Variants in MEOX2 observed in about 807,000 individuals in gnomAD.
MEOX2 encodes the protein homeobox protein MOX-2.
Under a neutral mutation model 27.0 loss-of-function variants are expected in MEOX2, and 11 were observed. The ratio of observed to expected loss-of-function variants is 0.41; its 90% CI spans 0.26 to 0.68. The LOEUF (loss-of-function observed/expected upper bound fraction) is 0.68, where lower values mean the gene tolerates loss of function less well. Among genes scored for constraint, MEOX2 ranks in the 30% least tolerant of loss-of-function variants. The probability of loss-of-function intolerance (pLI) is 0.33; values close to 1 mark genes in which losing one functional copy is unlikely to be tolerated. For missense variants in MEOX2, 436 were observed against 385.4 expected (o/e 1.13, Z -1.10); for synonymous variants, 189 against 155.4 (o/e 1.22, Z -1.61).
intron 1 of MEOX2, among the ~76,000 whole-genome samples, chr7:15,662,331 AT>A (rs1043624049): frequency 1.6e-4 from 24 of 152,040 alleles, no homozygotes; most frequent in African/African-American, 5.8e-4. Context: ...TCAGTTCTCC[AT>A]TTTCTTAAAC....
intron 1 of MEOX2, among the ~76,000 whole-genome samples, chr7:15,659,854 A>G (rs918858661): frequency 1.3e-5 from 2 of 150,704 alleles, no homozygotes; most frequent in African/African-American, 4.9e-5. Context: ...TTCCACAATT[A>G]TTCAAATATT....
chr7:15,656,029 T>G (rs1472084863), intron 1 of MEOX2, among the ~76,000 whole-genome samples: 1 of 151,852 alleles, frequency 6.6e-6, no homozygotes, highest in East Asian at 1.9e-4. Context: ...TTTGAAGCTC[T>G]GCTTTTGGTG....
At chr7:15,672,892 G>GA (rs199943563) in intron 1 of MEOX2, among the ~76,000 whole-genome samples, 2,809 of 134,280 alleles carry the variant, frequency 0.021, 98 homozygotes, top group African/African-American at 0.074. Flanking sequence ...ATTCTGTCTT[G>GA]AAAAAAAAAA....
chr7:15,644,567 T>A (rs1781614445), intron 1 of MEOX2, among the ~76,000 whole-genome samples: 1 of 152,160 alleles, frequency 6.6e-6, no homozygotes, highest in Admixed American at 6.5e-5. Flanking sequence ...CAGCACAGCC[T>A]TTCCTGAGAT....
At chr7:15,681,443 A>C (rs575314766) in intron 1 of MEOX2, 2 of 151,638 alleles carry the variant, frequency 1.3e-5, no homozygotes, top group Admixed American at 1.3e-4. Flanking sequence ...TAATTCAGCT[A>C]TTAATTCATC....
chr7:15,626,626 T>A, intron 2 of MEOX2, 120 bp downstream of exon 2: 1 of 653,402 alleles, frequency 1.5e-6, no homozygotes, highest in East Asian at 2.6e-5. Flanking sequence ...CATGGAATAG[T>A]ATAACTGTCT....
chr7:15,640,525 C>T (rs926495622), intron 1 of MEOX2, among the ~76,000 whole-genome samples: 6 of 151,932 alleles, frequency 3.9e-5, no homozygotes, highest in Non-Finnish European at 7.4e-5. Context: ...TTGTTTCTTT[C>T]GCTTGCCCTG....
In MEOX2 at chr7:15,618,644, A is replaced by G. The variant is rs1033726971; in HGVS notation, c.691-6033T>C. Among the ~76,000 whole-genome samples the G allele has an allele frequency of 3.3e-5, 5 of 151,968 alleles. No individual in the cohort carries two copies. In the East Asian group the frequency reaches 9.6e-4, roughly 29 times the overall value. On this transcript the variant is annotated intron_variant, in intron 2 of 2. Coordinates refer to ENST00000262041, the MANE Select transcript of MEOX2 (RefSeq NM_005924.5). The stretch of plus-strand genomic sequence containing the variant: ...TATATAAGAAGAGTAGAATACTGAA[A>G]TATTACTATGATTCAATCTAAATTT...
intron 2 of MEOX2, among the ~76,000 whole-genome samples, chr7:15,614,836 G>A (rs542859412): frequency 6.6e-6 from 1 of 152,160 alleles, no homozygotes; most frequent in East Asian, 1.9e-4. Flanking sequence ...AGACAGTGAA[G>A]AAAAATATAT....
intron 1 of MEOX2, among the ~76,000 whole-genome samples, chr7:15,635,588 G>A (rs540695802): frequency 5.3e-5 from 8 of 151,966 alleles, no homozygotes; most frequent in Non-Finnish European, 7.4e-5. Flanking sequence ...AACTCTAGCC[G>A]TTATTAGGAG....
chr7:15,633,906 A>G (rs1312311154), intron 1 of MEOX2, among the ~76,000 whole-genome samples: 2 of 151,992 alleles, frequency 1.3e-5, no homozygotes, highest in East Asian at 3.9e-4. Context: ...TACAAAGATA[A>G]CCCTAAGGAG....
chr7:15,621,392 T>A (rs1008011418), intron 2 of MEOX2, among the ~76,000 whole-genome samples: 3 of 152,208 alleles, frequency 2.0e-5, no homozygotes, highest in African/African-American at 7.2e-5. Context: ...CTTTGCAGAA[T>A]GAGCCTCTTT....
intron 1 of MEOX2, among the ~76,000 whole-genome samples, chr7:15,660,452 C>A (rs190592527): frequency 2.0e-5 from 3 of 150,802 alleles, no homozygotes; most frequent in African/African-American, 2.4e-5. Context: ...AGCTTTGGCA[C>A]TATGGACCTT....
intron 1 of MEOX2, among the ~76,000 whole-genome samples, chr7:15,673,778 C>G (rs934856678): frequency 6.6e-6 from 1 of 152,036 alleles, no homozygotes; most frequent in African/African-American, 2.4e-5. Flanking sequence ...TAACATGTCA[C>G]TGGGGATTCT....
chr7:15,657,802 T>C (rs1781848241), intron 1 of MEOX2, among the ~76,000 whole-genome samples: 7 of 152,208 alleles, frequency 4.6e-5, no homozygotes, highest in Admixed American at 4.6e-4. Flanking sequence ...GAAACCTGGA[T>C]AGTTTTAGTA....
At chr7:15,656,841 C>CAAA (rs916214594) in intron 1 of MEOX2, among the ~76,000 whole-genome samples, 1 of 147,338 alleles carries the variant, frequency 6.8e-6, no homozygotes, top group Non-Finnish European at 1.5e-5. Flanking sequence ...CTTTTTTGTC[C>CAAA]AAAAAAAAAA....
chr7:15,625,241 T>C (rs1781284043), intron 2 of MEOX2, among the ~76,000 whole-genome samples: 1 of 152,144 alleles, frequency 6.6e-6, no homozygotes. Context: ...TTATTTTCCG[T>C]TCCCTGTTTA....
rs1782389613 is a variant in MEOX2 at position 15,686,504 on chromosome 7, A to ATTTTCC, written c.-103_-102insGGAAAA. ...TGGAAACCGTGTGATTTTTTTTTTA[A>ATTTTCC]CCTCCCAAAGCAATAGCGGTGCACT... On this transcript the variant is annotated 5_prime_UTR_variant, in exon 1 of 3. Transcript: ENST00000262041. The ATTTTCC allele has an allele frequency of 8.7e-7, 1 of 1,144,486 alleles. No homozygotes were observed. Among genetic ancestry groups the ATTTTCC allele is most frequent in the African/African-American group, 1.6e-5 (1 of 63,256 alleles). The allele number at this position is 1,144,486 out of a possible 1,614,324, so 70.9% of individuals were successfully genotyped here. A position where few individuals can be genotyped will look rare whatever the true frequency, so the allele number is the denominator to read the frequency against.
At chr7:15,644,108 TC>T (rs1262647959) in intron 1 of MEOX2, among the ~76,000 whole-genome samples, 1 of 152,116 alleles carries the variant, frequency 6.6e-6, no homozygotes, top group African/African-American at 2.4e-5. Flanking sequence ...GGCTCTGTTT[TC>T]TCCTAGCCTA....
Sources: gnomAD v4.1 joint callset for allele counts (sites outside exome capture counted in the v4.1 genomes callset) on GRCh38, gnomAD v4.1.1 for gene constraint, MANE v1.5 for transcripts, NCBI Gene and HGNC (gene_info 2026-07-23, HGNC 2026-07-21) for gene names.